DKK2: variants seen among roughly 807,000 people sequenced by gnomAD.
DKK2 encodes the protein dickkopf-related protein 2.
In DKK2, 11 loss-of-function variants were observed where a neutral mutation model predicts 28.1. That is an observed-to-expected ratio of 0.39 (90% CI 0.25 to 0.65). The LOEUF is 0.65. Ranked by LOEUF, DKK2 falls within the 30% of genes least tolerant of loss-of-function variation. The probability of loss-of-function intolerance (pLI) is 0.47; values close to 1 mark genes in which losing one functional copy is unlikely to be tolerated. For missense variants in DKK2, 326 were observed against 335.5 expected (o/e 0.97, Z 0.22); for synonymous variants, 135 against 126.5 (o/e 1.07, Z -0.45).
chr4:106,963,487 A>G (rs968079436), intron 1 of DKK2, among the ~76,000 whole-genome samples: 2 of 152,164 alleles, frequency 1.3e-5, no homozygotes, highest in African/African-American at 4.8e-5. Context: ...ATCAGATATC[A>G]TCTCACCCCA....
Position 106,990,587 on chromosome 4 carries a change from A to G in DKK2, c.222+44783T>C, listed in dbSNP as rs565561210. Among the ~76,000 whole-genome samples the G allele has an allele frequency of 4.6e-5, 7 of 152,308 alleles. No homozygotes were observed. The South Asian group carries it at 1.2e-3, about 27-fold the overall frequency. Reference sequence around the variant, plus strand: ...ATTTGCAGCATTTGCTCATTTCCATAGTCTAAATTCTTTCACCGTGGCTAA... The same window carrying G: ...ATTTGCAGCATTTGCTCATTTCCATGGTCTAAATTCTTTCACCGTGGCTAA... On this transcript the variant is annotated intron_variant, in intron 1 of 3. Coordinates refer to ENST00000285311, the MANE Select transcript of DKK2 (RefSeq NM_014421.3).
chr4:106,997,471 T>C (rs1203974863), intron 1 of DKK2, among the ~76,000 whole-genome samples: 2 of 152,056 alleles, frequency 1.3e-5, no homozygotes, highest in African/African-American at 2.4e-5. Flanking sequence ...TGCGAATAGA[T>C]TCAACTCCTC....
At chr4:107,020,235 G>T (rs747354402) in intron 1 of DKK2, among the ~76,000 whole-genome samples, 6 of 151,992 alleles carry the variant, frequency 3.9e-5, no homozygotes, top group Non-Finnish European at 8.8e-5. Context: ...CTGAGTATTG[G>T]CCACTTATGC....
intron 1 of DKK2, 109 bp from the exon 2 acceptor site, chr4:106,926,058 C>T (rs552628530): frequency 3.8e-5 from 45 of 1,196,658 alleles, no homozygotes; most frequent in South Asian, 1.2e-4. Flanking sequence ...ATATCTCACC[C>T]GGAAGGAACT....
At chr4:106,942,773 T>A (rs544485883) in intron 1 of DKK2, among the ~76,000 whole-genome samples, 71 of 152,106 alleles carry the variant, frequency 4.7e-4, no homozygotes, top group African/African-American at 1.7e-3. Flanking sequence ...TGTTTCAAAT[T>A]TTTTTTTCCC....
chr4:107,034,608 T>G (rs1039098087), intron 1 of DKK2, among the ~76,000 whole-genome samples: 11 of 152,230 alleles, frequency 7.2e-5, no homozygotes, highest in African/African-American at 2.4e-4. Context: ...GCTGTATCGC[T>G]GGCGCCTACG....
intron 1 of DKK2, among the ~76,000 whole-genome samples, chr4:107,034,954 G>C (rs745764092): frequency 2.6e-5 from 4 of 152,194 alleles, no homozygotes; most frequent in African/African-American, 9.6e-5. Flanking sequence ...AGCTCACAGA[G>C]TTGTGAAGAT....
chr4:107,017,565 A>C (rs1723628233), intron 1 of DKK2, among the ~76,000 whole-genome samples: 1 of 151,956 alleles, frequency 6.6e-6, no homozygotes, highest in African/African-American at 2.4e-5. Flanking sequence ...AGCCATGCTT[A>C]TTATAAGCGG....
intron 1 of DKK2, among the ~76,000 whole-genome samples, chr4:107,029,693 T>C (rs771428773): frequency 1.3e-5 from 2 of 152,170 alleles, no homozygotes; most frequent in Admixed American, 1.3e-4. Flanking sequence ...GGGAAAGGTT[T>C]GGACAGAACT....
chr4:106,935,910 C>G (rs899979208), intron 1 of DKK2, among the ~76,000 whole-genome samples: 1 of 152,162 alleles, frequency 6.6e-6, no homozygotes, highest in Non-Finnish European at 1.5e-5. Flanking sequence ...AGGGTCCTGT[C>G]CGTTAGAAGG....
At chr4:107,014,754 C>G (rs1723567430) in intron 1 of DKK2, among the ~76,000 whole-genome samples, 2 of 151,338 alleles carry the variant, frequency 1.3e-5, no homozygotes, top group South Asian at 4.1e-4. Context: ...CACACTGTAC[C>G]TCATAAACAT....
Position 107,011,923 on chromosome 4 carries a change from T to C in DKK2, c.222+23447A>G, listed in dbSNP as rs1407918926. Among the ~76,000 whole-genome samples, 4 of 151,386 alleles carry C rather than the reference T, an allele frequency of 2.6e-5. No individual in the cohort carries two copies. In the East Asian group the frequency reaches 7.7e-4, roughly 29 times the overall value. ...ACTTTTAGACTTCTCAAAAGAGTCC[T>C]GGCCAAACTTGAAGAATCACTGGCA... On this transcript the variant is annotated intron_variant, in intron 1 of 3. Transcript: ENST00000285311.
intron 1 of DKK2, among the ~76,000 whole-genome samples, chr4:106,938,798 T>C (rs1311511333): frequency 6.6e-6 from 1 of 151,770 alleles, no homozygotes; most frequent in African/African-American, 2.4e-5. Context: ...GATGCAAGGC[T>C]GGTTCAATAT....
At chr4:107,006,596 A>T (rs572179239) in intron 1 of DKK2, among the ~76,000 whole-genome samples, 1 of 152,196 alleles carries the variant, frequency 6.6e-6, no homozygotes, top group Non-Finnish European at 1.5e-5. Context: ...TAAATTCTAT[A>T]TGATTAATTT....
At position 106,933,392 on chromosome 4, in the gene DKK2, C is replaced by T. The variant is rs534574679; in HGVS notation, c.223-7443G>A. 2.3e-3 allele frequency among the ~76,000 whole-genome samples: 352 copies of T among 152,312 alleles called. 2 individuals carry two copies. Among genetic ancestry groups the T allele is most frequent in the African/African-American group, 7.8e-3 (326 of 41,576 alleles). On this transcript the variant is annotated intron_variant, in intron 1 of 3. Transcript: ENST00000285311. The stretch of plus-strand genomic sequence containing the variant: ...AACAATTTCCAGGAAGGTTCATCTT[C>T]ACTCCTAGTGCTTAGCCACTGTGCT...
chr4:106,922,695 T>G lies in DKK2; in HGVS notation c.*1259A>C, dbSNP rs1398585347. On this transcript the variant is annotated 3_prime_UTR_variant, in exon 4 of 4. Transcript: ENST00000285311. Reference sequence around the variant, plus strand: ...TGAGATTATTTGAGGATCTCAGCACTATAAAATAAATAATTTGAGGATAGT... The same window carrying G: ...TGAGATTATTTGAGGATCTCAGCACGATAAAATAAATAATTTGAGGATAGT... 2 of 152,182 alleles carry G rather than the reference T, an allele frequency of 1.3e-5. No homozygotes were observed. The highest frequency in any genetic ancestry group is 4.8e-5 in the African/African-American group (2 of 41,460). 9.4% of individuals were successfully genotyped at this position (152,182 alleles called of 1,614,324 possible). A position where few individuals can be genotyped will look rare whatever the true frequency, so the allele number is the denominator to read the frequency against.
At chr4:107,020,030 T>C (rs1723667789) in intron 1 of DKK2, among the ~76,000 whole-genome samples, 1 of 152,086 alleles carries the variant, frequency 6.6e-6, no homozygotes, top group Non-Finnish European at 1.5e-5. Flanking sequence ...AGTGGTGAGG[T>C]TGAGCTACAC....
At position 107,035,843 on chromosome 4, in the gene DKK2, C is replaced by G; in HGVS notation, c.-252G>C. On this transcript the variant is annotated 5_prime_UTR_variant, in exon 1 of 4. Transcript: ENST00000285311. ...AAGTTCTGCAATAACTGGAAGCAATCAAATGCGAGGCGCTTTCTCGCCAAG... is the reference window on the plus strand; with the variant it reads ...AAGTTCTGCAATAACTGGAAGCAATGAAATGCGAGGCGCTTTCTCGCCAAG... 2 of 547,324 alleles carry G rather than the reference C, an allele frequency of 3.7e-6. No homozygotes were observed. Among genetic ancestry groups the G allele is most frequent in the Non-Finnish European group, 6.5e-6 (2 of 306,060 alleles). 33.9% of individuals were successfully genotyped at this position (547,324 alleles called of 1,614,324 possible). A position where few individuals can be genotyped will look rare whatever the true frequency, so the allele number is the denominator to read the frequency against.
At chr4:106,959,953 A>G (rs1184408609) in intron 1 of DKK2, among the ~76,000 whole-genome samples, 3 of 151,986 alleles carry the variant, frequency 2.0e-5, no homozygotes, top group Non-Finnish European at 2.9e-5. Context: ...ACTGTATAAA[A>G]CTAGTTATGC....
Sources: allele counts gnomAD v4.1 joint callset (sites outside exome capture counted in the v4.1 genomes callset), GRCh38; gene constraint gnomAD v4.1.1; transcripts MANE v1.5; gene names NCBI Gene and HGNC (gene_info 2026-07-23, HGNC 2026-07-21).